The following TTC27 variants were observed in gnomAD, a reference collection of about 807,000 sequenced individuals.
TTC27 encodes tetratricopeptide repeat protein 27.
TTC27 carries 79 observed loss-of-function variants against 115.9 expected under a neutral mutation model. The ratio of observed to expected loss-of-function variants is 0.68; its 90% CI spans 0.57 to 0.82. TTC27 has a LOEUF of 0.82. Ranked by LOEUF, TTC27 falls within the 40% of genes least tolerant of loss-of-function variation. The pLI is 0.00. For synonymous variants in TTC27, 401 were observed against 356.0 expected (o/e 1.13, Z -1.42); for missense variants, 1,054 against 993.1 (o/e 1.06, Z -0.82).
intron 9 of TTC27, among the ~76,000 whole-genome samples, chr2:32,685,289 C>T (rs988608185): frequency 1.3e-5 from 2 of 152,064 alleles, no homozygotes; most frequent in South Asian, 4.1e-4. Context: ...CTTGGCCTCC[C>T]GAAGTGCTGG....
At chr2:32,663,408 C>A (rs765555409) in intron 5 of TTC27, among the ~76,000 whole-genome samples, 2 of 152,134 alleles carry the variant, frequency 1.3e-5, no homozygotes, top group Non-Finnish European at 2.9e-5. Flanking sequence ...CTCAGGACTT[C>A]CCTTGGCTAG....
intron 4 of TTC27, among the ~76,000 whole-genome samples, chr2:32,642,944 T>C (rs1264531119): frequency 6.6e-6 from 1 of 152,072 alleles, no homozygotes; most frequent in Non-Finnish European, 1.5e-5. Flanking sequence ...GCCGAGATTA[T>C]AGGCATAAGC....
chr2:32,672,217 G>A (rs933688904), intron 7 of TTC27, 55 bp from the exon 8 acceptor site: 1 of 1,292,012 alleles, frequency 7.7e-7, no homozygotes. Flanking sequence ...TGCCATTCTG[G>A]TGAATGAATA....
At chr2:32,700,108 T>C (rs777821032) in intron 9 of TTC27, among the ~76,000 whole-genome samples, 3 of 152,138 alleles carry the variant, frequency 2.0e-5, no homozygotes, top group Non-Finnish European at 4.4e-5. Context: ...GAGAGGGATT[T>C]TCTGTTAAGG....
intron 16 of TTC27, among the ~76,000 whole-genome samples, chr2:32,797,173 C>CA (rs61136534): frequency 0.062 from 4,966 of 80,318 alleles, 302 homozygotes; most frequent in African/African-American, 0.16. Context: ...AACTCTGTCT[C>CA]AAAAAAAAAA....
At chr2:32,663,313 G>T (rs1256854612) in intron 5 of TTC27, among the ~76,000 whole-genome samples, 1 of 152,186 alleles carries the variant, frequency 6.6e-6, no homozygotes, top group Non-Finnish European at 1.5e-5. Context: ...GTAGGCACCC[G>T]AGGGAATCTC....
chr2:32,786,533 G>T (rs1261766994), intron 15 of TTC27, among the ~76,000 whole-genome samples: 1 of 152,094 alleles, frequency 6.6e-6, no homozygotes, highest in East Asian at 1.9e-4. Flanking sequence ...ATTTTGGTTT[G>T]CAGCATTTTG....
chr2:32,742,311 A>G (rs1668672971), intron 12 of TTC27, among the ~76,000 whole-genome samples: 1 of 152,246 alleles, frequency 6.6e-6, no homozygotes, highest in Non-Finnish European at 1.5e-5. Flanking sequence ...AGGCAAAATA[A>G]TGGAAAATAC....
intron 10 of TTC27, among the ~76,000 whole-genome samples, chr2:32,706,226 G>A (rs946481381): frequency 2.6e-5 from 4 of 151,268 alleles, no homozygotes; most frequent in Admixed American, 2.6e-4. Context: ...GGGATTACAG[G>A]CATGTGCCAC....
At chr2:32,776,338 T>A (rs1669996512) in intron 13 of TTC27, among the ~76,000 whole-genome samples, 1 of 152,196 alleles carries the variant, frequency 6.6e-6, no homozygotes, top group Admixed American at 6.5e-5. Flanking sequence ...TTTGTGGGAA[T>A]GGCTGAAGGA....
At position 32,702,110 on chromosome 2, in the gene TTC27, C is replaced by G. The variant is rs1227028525; in HGVS notation, c.1120-697C>G. On this transcript the variant is annotated intron_variant, in intron 9 of 19. Coordinates refer to ENST00000317907, the MANE Select transcript of TTC27 (RefSeq NM_017735.5). The stretch of plus-strand genomic sequence containing the variant: ...ATATACTTTTAGAATACCAAGCTTC[C>G]CAGGTACTTCTAATGAGTAGCTAGA... Among the ~76,000 whole-genome samples, 3 of 151,940 alleles carry G rather than the reference C, an allele frequency of 2.0e-5. No homozygotes were observed. In the East Asian group the frequency reaches 5.8e-4, roughly 29 times the overall value.
At chr2:32,679,373 A>G (rs976206092) in intron 9 of TTC27, among the ~76,000 whole-genome samples, 2 of 152,206 alleles carry the variant, frequency 1.3e-5, no homozygotes, top group Non-Finnish European at 2.9e-5. Flanking sequence ...GGTGTAAGGA[A>G]ATAAAGTTAA....
chr2:32,663,196 G>A, intron 5 of TTC27, among the ~76,000 whole-genome samples: 1 of 152,150 alleles, frequency 6.6e-6, no homozygotes, highest in East Asian at 1.9e-4. Flanking sequence ...GTTCTATCTT[G>A]CTGGTATTCC....
intron 19 of TTC27, among the ~76,000 whole-genome samples, chr2:32,820,356 G>A (rs1324845105): frequency 2.0e-5 from 3 of 152,114 alleles, no homozygotes; most frequent in Non-Finnish European, 2.9e-5. Flanking sequence ...TTATTTTGCT[G>A]GACTTTTTTG....
chr2:32,702,126 A>G (rs1229104768), intron 9 of TTC27, among the ~76,000 whole-genome samples: 4 of 152,118 alleles, frequency 2.6e-5, no homozygotes, highest in African/African-American at 4.8e-5. Context: ...ACTTCTAATG[A>G]GTAGCTAGAT....
intron 9 of TTC27, among the ~76,000 whole-genome samples, chr2:32,701,354 G>C (rs1667178915): frequency 6.6e-6 from 1 of 152,144 alleles, no homozygotes; most frequent in South Asian, 2.1e-4. Flanking sequence ...CCATGTCCAG[G>C]AAGTAGTCAT....
intron 18 of TTC27, among the ~76,000 whole-genome samples, chr2:32,812,928 A>G (rs191657060): frequency 1.6e-4 from 25 of 152,298 alleles, no homozygotes; most frequent in Admixed American, 1.1e-3. Context: ...GTTTCACTGT[A>G]TTGATTACAT....
chr2:32,668,014 T>A (rs574472019), intron 7 of TTC27, among the ~76,000 whole-genome samples: 1 of 150,852 alleles, frequency 6.6e-6, no homozygotes, highest in South Asian at 2.1e-4. Context: ...TGAAACCCCG[T>A]CTCTATTAAA....
intron 12 of TTC27, among the ~76,000 whole-genome samples, chr2:32,751,517 G>A (rs914614356): frequency 6.6e-6 from 1 of 152,046 alleles, no homozygotes; most frequent in Non-Finnish European, 1.5e-5. Context: ...GGAAGAGAAG[G>A]AAACTAGAGA....
Sources: gnomAD v4.1 joint callset for allele counts (sites outside exome capture counted in the v4.1 genomes callset) on GRCh38, gnomAD v4.1.1 for gene constraint, MANE v1.5 for transcripts, NCBI Gene and HGNC (gene_info 2026-07-23, HGNC 2026-07-21) for gene names.